The following CHADL variants were observed in gnomAD, a reference collection of about 807,000 sequenced individuals.
CHADL encodes chondroadherin-like protein.
CHADL carries 48 observed loss-of-function variants against 52.1 expected under a neutral mutation model. The observed-to-expected ratio is 0.92, with a 90% CI of 0.73 to 1.17. The LOEUF (loss-of-function observed/expected upper bound fraction) is 1.17, where lower values mean the gene tolerates loss of function less well. CHADL is among the 50% of genes most tolerant of loss of function. CHADL has a pLI of 0.00. For synonymous variants in CHADL, 498 were observed against 511.2 expected (o/e 0.97, Z 0.35); for missense variants, 977 against 1,035.1 (o/e 0.94, Z 0.77).
intron 3 of CHADL, 105 bp from the exon 4 acceptor site, chr22:41,236,755 G>T: frequency 8.6e-7 from 1 of 1,163,524 alleles, no homozygotes; most frequent in Non-Finnish European, 1.2e-6. Flanking sequence ...AAGCTGGAGA[G>T]CCCAAGCTGG....
At chr22:41,230,077 C>CCA in intron 5 of CHADL, 2 of 789,790 alleles carry the variant, frequency 2.5e-6, no homozygotes, top group South Asian at 3.5e-5. Context: ...CCCAGCTCCT[C>CCA]CGCCCCCACC....
chr22:41,236,631 G>A lies in CHADL; in HGVS notation c.1916C>T (p.Ser639Leu), dbSNP rs1379082517. 4 of 1,549,416 alleles carry A rather than the reference G, an allele frequency of 2.6e-6. No homozygotes were observed. In the African/African-American group the frequency reaches 5.5e-5, roughly 21 times the overall value. The change falls in exon 4 of 6, where the codon TCA becomes TTA. Residue 639 changes from serine to leucine, a missense_variant. Ser to Leu is a moderately radical substitution (Grantham distance 145, BLOSUM62 -2). Transcript: ENST00000216241. ...GCTCTGGAGCCCGGGCCCCAGGCCT[G>A]AAAAGGCCCCAGGACAAATCTGCAA... ...GLEQICPGAF[S>L]GLGPGLQSLH... is the part of the protein sequence containing the mutation.
chr22:41,232,100 C>T (rs573680053), intron 5 of CHADL, among the ~76,000 whole-genome samples: 2 of 151,776 alleles, frequency 1.3e-5, no homozygotes, highest in African/African-American at 2.4e-5. Flanking sequence ...TGGGAGGCCA[C>T]GGCGGGCGGA....
rs1452896613 is a variant in CHADL at position 41,239,462 on chromosome 22, A to T, written c.167T>A (p.Val56Glu). 1.9e-6 allele frequency: 3 copies of T among 1,550,556 alleles called. No homozygotes were observed. In the African/African-American group the frequency reaches 4.1e-5, roughly 21 times the overall value. The change falls in exon 2 of 6, where the codon GTG becomes GAG. Residue 56 changes from valine (V) to glutamate (E), a missense_variant. Coordinates refer to ENST00000216241, the MANE Select transcript of CHADL (RefSeq NM_138481.2). ...GCTGACCTCAGGGATGGCGTCTGGC[A>T]CCTCAGTGAGGTTCTGGTACCGGCA... ...VACRYQNLTE[V>E]PDAIPELTQR...
chr22:41,240,796 C>T, intron 1 of CHADL, 78 bp downstream of exon 1: 1 of 1,511,266 alleles, frequency 6.6e-7, no homozygotes. Flanking sequence ...TCTGAGAGGC[C>T]CAGAGGGGGC....
Position 41,237,799 on chromosome 22 carries a change from T to C in CHADL, c.1273A>G (p.Ser425Gly). 1.5e-6 allele frequency: 2 copies of C among 1,374,384 alleles called. No individual in the cohort carries two copies. The highest frequency in any genetic ancestry group is 2.6e-5 in the South Asian group (2 of 77,284). The allele number at this position is 1,374,384 out of a possible 1,614,324, so 85.1% of individuals were successfully genotyped here. ...CTCAGGTCCAGGAGCTGGGTGTCGC[T>C]GGGGAAGCCGCGGGGCACCGCCTGC... is the stretch of plus-strand genomic sequence containing the variant. Reference protein sequence around the residue: ...GLQAVPRGFPSDTQLLDLRRN... With the variant: ...GLQAVPRGFPGDTQLLDLRRN... Residue 425 changes from serine to glycine, a missense_variant, in exon 3 of 6, where the codon AGC becomes GGC. Coordinates refer to ENST00000216241, the MANE Select transcript of CHADL (RefSeq NM_138481.2).
intron 2 of CHADL, 128 bp downstream of exon 2, chr22:41,239,314 AG>A: frequency 1.3e-6 from 1 of 767,168 alleles, no homozygotes; most frequent in South Asian, 1.7e-5. Flanking sequence ...TGAGGCTCAA[AG>A]AGAAGTAATT....
At chr22:41,237,128 G>A in intron 3 of CHADL, 48 bp downstream of exon 3, 1 of 1,484,966 alleles carries the variant, frequency 6.7e-7, no homozygotes, top group South Asian at 1.3e-5. Flanking sequence ...GCTGCCTGTG[G>A]CCTTGTGCCG....
rs2032764429 is a variant in CHADL at position 41,237,414 on chromosome 22, C to T, written c.1658G>A (p.Ser553Asn). 6.4e-7 allele frequency: 1 copy of T among 1,550,488 alleles called. No individual in the cohort carries two copies. Among genetic ancestry groups the T allele is most frequent in the African/African-American group, 1.4e-5 (1 of 73,068 alleles). The change falls in exon 3 of 6, where the codon AGT becomes AAT. Residue 553 changes from serine (S) to asparagine (N), a missense_variant. Coordinates refer to ENST00000216241, the MANE Select transcript of CHADL (RefSeq NM_138481.2). ...RTRALRWVYL[S>N]GNRITEVSLG... ...GGACACTTCGGTGATGCGGTTTCCACTCAGGTAGACCCAGCGCAAGGCCCG... is the reference window on the plus strand; with the variant it reads ...GGACACTTCGGTGATGCGGTTTCCATTCAGGTAGACCCAGCGCAAGGCCCG...
chr22:41,238,577 C>T lies in CHADL; in HGVS notation c.495G>A (p.Leu165=). The change falls in exon 3 of 6, where the codon CTG becomes CTA. Residue 165 remains leucine (L), a synonymous_variant. Transcript: ENST00000216241. The surrounding 1 kb of genome is among the most constrained non-coding windows in gnomAD (Gnocchi z 4.9). ...GCAGGTAAACCAGGGCGTTGTGGGC[C>T]AGGTTTAGCGTGGCCAGCGCACCCA... ...GALGALATLN[L]AHNALVYLPA... 1.3e-6 allele frequency: 2 copies of T among 1,546,264 alleles called. No homozygotes were observed. The highest frequency in any genetic ancestry group is 1.7e-6 in the Non-Finnish European group (2 of 1,146,476).
chr22:41,231,142 T>TG (rs547835730), intron 5 of CHADL: 11 of 152,332 alleles, frequency 7.2e-5, no homozygotes, highest in African/African-American at 2.6e-4. Flanking sequence ...AAACCATGCC[T>TG]GGAGGGGCCG....
At chr22:41,233,158 T>A (rs1310957108) in intron 5 of CHADL, among the ~76,000 whole-genome samples, 1 of 151,840 alleles carries the variant, frequency 6.6e-6, no homozygotes, top group Non-Finnish European at 1.5e-5. Context: ...TAGGCTGTTA[T>A]ATTTATAAAA....
chr22:41,236,380 G>A lies in CHADL; in HGVS notation c.2063+104C>T, dbSNP rs2032739888. 1.9e-6 allele frequency: 2 copies of A among 1,048,170 alleles called. 1 individual carries two copies. Among genetic ancestry groups the A allele is most frequent in the Non-Finnish European group, 2.8e-6 (2 of 716,166 alleles). 64.9% of individuals were successfully genotyped at this position (1,048,170 alleles called of 1,614,324 possible). ...TCACAGGACCCGCCCCTCCCCACAAGCTGCTCGGATGGGCATGGACATGGT... is the reference window on the plus strand; with the variant it reads ...TCACAGGACCCGCCCCTCCCCACAAACTGCTCGGATGGGCATGGACATGGT... On this transcript the variant is annotated intron_variant, in intron 4 of 5. Coordinates refer to ENST00000216241, the MANE Select transcript of CHADL (RefSeq NM_138481.2).
intron 5 of CHADL, 107 bp from the exon 6 acceptor site, chr22:41,229,837 T>C: frequency 1.9e-6 from 2 of 1,028,442 alleles, no homozygotes; most frequent in Non-Finnish European, 3.0e-6. Context: ...CAACTGTGAA[T>C]GGAGCTGAGT....
chr22:41,237,632 GAGGTAC>G lies in CHADL; in HGVS notation c.1434_1439del (p.Tyr479_Leu480del). 1 of 1,550,360 alleles carries G rather than the reference GAGGTAC, an allele frequency of 6.5e-7. No individual in the cohort carries two copies. The highest frequency in any genetic ancestry group is 8.7e-7 in the Non-Finnish European group (1 of 1,146,854). On this transcript the variant is annotated inframe_deletion, in exon 3 of 6. Coordinates refer to ENST00000216241, the MANE Select transcript of CHADL (RefSeq NM_138481.2). ...TGAGGCCTGCGAGCTGGTTGTCGGAGAGGTACAGGTAGATCAGGCGGCCCAGCCCGG... is the reference window on the plus strand; with the variant it reads ...TGAGGCCTGCGAGCTGGTTGTCGGAGAGGTAGATCAGGCGGCCCAGCCCGG...
At chr22:41,237,150 A>G in intron 3 of CHADL, 26 bp downstream of exon 3, 2 of 1,518,666 alleles carry the variant, frequency 1.3e-6, no homozygotes, top group Non-Finnish European at 1.8e-6. Flanking sequence ...CTCCTGCACC[A>G]ACCCCGCCAG....
rs761250513 is a variant in CHADL, at chr22:41,238,496, G to A, written c.576C>T (p.Asn192=). The change falls in exon 3 of 6, where the codon AAC becomes AAT. Residue 192 remains asparagine, a synonymous_variant. Transcript: ENST00000216241. This position sits in a 1 kb window ranked among gnomAD's most constrained non-coding sequence, Gnocchi z 4.9. ...CCTCGGGGGCCAGCACGCTGAGCGC[G>A]TTGTGCGACAGCCGCAGCCAGCGGA... ...LRVRWLRLSH[N]ALSVLAPEAL... 2 of 1,539,266 alleles carry A rather than the reference G, an allele frequency of 1.3e-6. No individual in the cohort carries two copies. The highest frequency in any genetic ancestry group is 1.4e-5 in the African/African-American group (1 of 72,960).
chr22:41,229,782 G>A, intron 5 of CHADL, 52 bp from the exon 6 acceptor site: 1 of 1,506,320 alleles, frequency 6.6e-7, no homozygotes, highest in South Asian at 1.2e-5. Flanking sequence ...TGGGCACCAA[G>A]CAGTCCTGTA....
Position 41,238,784 on chromosome 22 carries a change from G to T in CHADL, c.288C>A (p.Cys96Ter). The T allele has an allele frequency of 6.5e-7, 1 of 1,549,654 alleles. No homozygotes were observed. Among genetic ancestry groups the T allele is most frequent in the Non-Finnish European group, 8.7e-7 (1 of 1,146,826 alleles). The change falls in exon 3 of 6, where the codon TGC becomes TGA. Residue 96 changes from cysteine (C) to a stop codon, truncating the protein, a stop_gained. Transcript: ENST00000216241. LOFTEE classifies it high-confidence loss of function. The surrounding 1 kb of genome is among the most constrained non-coding windows in gnomAD (Gnocchi z 4.9). ...PHLTHLDLRH[C>*]EVELVAEGAF... Reference sequence around the variant, plus strand: ...CGCCCTCGGCCACCAGCTCCACCTCGCAGTGGCGCAGGTCCAGGTGTGTGA... The same window carrying T: ...CGCCCTCGGCCACCAGCTCCACCTCTCAGTGGCGCAGGTCCAGGTGTGTGA...
Sources: allele counts gnomAD v4.1 joint callset (sites outside exome capture counted in the v4.1 genomes callset), GRCh38; gene constraint gnomAD v4.1.1; non-coding constraint Gnocchi (gnomAD v3.1); transcripts MANE v1.5; gene names NCBI Gene and HGNC (gene_info 2026-07-23, HGNC 2026-07-21).